PC: variants seen among roughly 807,000 people sequenced by gnomAD.
PC encodes the protein pyruvate carboxylase, mitochondrial.
A neutral mutation model predicts 107.8 loss-of-function variants in PC; 46 were observed. That is an observed-to-expected ratio of 0.43 (90% CI 0.34 to 0.55). The LOEUF is 0.55. Among genes scored for constraint, PC ranks in the 20% least tolerant of loss-of-function variants. The pLI is 0.04. For missense variants in PC, 1,241 were observed against 1,643.1 expected (o/e 0.76, Z 4.23); for synonymous variants, 662 against 684.7 (o/e 0.97, Z 0.52).
At chr11:66,893,838 C>G (rs1368656080) in intron 3 of PC, among the ~76,000 whole-genome samples, 3 of 139,598 alleles carry the variant, frequency 2.1e-5, no homozygotes, top group African/African-American at 8.0e-5. Context: ...CCAAACCCAA[C>G]CAGACACCTC....
rs1465279041 is a variant in PC at position 66,907,265 on chromosome 11, C to T, written c.1-35106G>A. Among the ~76,000 whole-genome samples, 7 of 152,218 alleles carry T rather than the reference C, an allele frequency of 4.6e-5. No homozygotes were observed. In the South Asian group the frequency reaches 1.0e-3, roughly 23 times the overall value. ...GTTCTCGGCCAGGAACAGTGGTTCA[C>T]GCCTGTAATCCCAGCACTTTGGGAG... On this transcript the variant is annotated intron_variant, in intron 3 of 22. Coordinates refer to ENST00000393960, the MANE Select transcript of PC (RefSeq NM_001040716.2).
At position 66,868,941 on chromosome 11, in the gene PC, G is replaced by A. The variant is rs373717650; in HGVS notation, c.927C>T (p.Thr309=). The change falls in exon 10 of 23, where the codon ACC becomes ACT. Residue 309 remains threonine (T), a synonymous_variant. Coordinates refer to ENST00000393960, the MANE Select transcript of PC (RefSeq NM_001040716.2). ...CGTGCCTGTCCACCAGGAACTCCAC[G>A]GTGCCTGCGTTCTCGTAGCCCACCT... The part of the protein sequence containing the change: ...AKQVGYENAG[T]VEFLVDRHGK... The A allele has an allele frequency of 1.3e-5, 21 of 1,613,734 alleles. No individual in the cohort carries two copies. The highest frequency in any genetic ancestry group is 3.3e-5 in the South Asian group (3 of 91,092).
intron 3 of PC, among the ~76,000 whole-genome samples, chr11:66,951,857 T>C (rs1161185900): frequency 2.7e-5 from 4 of 146,676 alleles, no homozygotes; most frequent in African/African-American, 1.0e-4. Flanking sequence ...GCCACTGCAC[T>C]CCAGCCTGGC....
intron 3 of PC, among the ~76,000 whole-genome samples, chr11:66,931,014 A>T (rs1012305722): frequency 6.6e-6 from 1 of 152,188 alleles, no homozygotes; most frequent in African/African-American, 2.4e-5. Flanking sequence ...AAATTCAACA[A>T]TAAGTTATTC....
chr11:66,859,123 A>C, intron 12 of PC: 1 of 1,469,136 alleles, frequency 6.8e-7, no homozygotes, highest in Non-Finnish European at 9.0e-7. Flanking sequence ...ACCCGGCTGC[A>C]CTCCCGGCGC....
Position 66,871,812 on chromosome 11 carries a change from T to TGGCTACGGTGCGGATGCCC in PC, c.177_195dup (p.Ile66GlyfsTer10). 6.2e-7 allele frequency: 1 copy of TGGCTACGGTGCGGATGCCC among 1,609,174 alleles called. No homozygotes were observed. Among genetic ancestry groups the TGGCTACGGTGCGGATGCCC allele is most frequent in the Non-Finnish European group, 8.5e-7 (1 of 1,179,432 alleles). Reference sequence around the variant, plus strand: ...TGGCCCGTGTCCTGCTCAGAGTAGATGGCTACGGTGCGGATGCCCAGCTCC... The same window carrying TGGCTACGGTGCGGATGCCC: ...TGGCCCGTGTCCTGCTCAGAGTAGATGGCTACGGTGCGGATGCCCGGCTACGGTGCGGATGCCCAGCTCC... On this transcript the variant is annotated frameshift_variant, in exon 5 of 23. Transcript: ENST00000393960. LOFTEE classifies it high-confidence loss of function. The surrounding 1 kb of genome is among the most constrained non-coding windows in gnomAD (Gnocchi z 7.4).
intron 3 of PC, among the ~76,000 whole-genome samples, chr11:66,942,907 T>G (rs1949179689): frequency 6.6e-6 from 1 of 151,516 alleles, no homozygotes; most frequent in African/African-American, 2.4e-5. Flanking sequence ...TCCCAGCTAC[T>G]CGGGAGGCTG....
At chr11:66,924,068 G>A (rs747994294) in intron 3 of PC, among the ~76,000 whole-genome samples, 26 of 151,460 alleles carry the variant, frequency 1.7e-4, no homozygotes, top group Non-Finnish European at 2.9e-4. Context: ...CAGGTGTGGT[G>A]GCACACACCT....
At chr11:66,920,594 C>A (rs1378486361) in intron 3 of PC, among the ~76,000 whole-genome samples, 1 of 152,124 alleles carries the variant, frequency 6.6e-6, no homozygotes, top group Non-Finnish European at 1.5e-5. Context: ...TCCCAGCAAT[C>A]CCAAGAATCG....
At position 66,871,516 on chromosome 11, in the gene PC, C is replaced by A; in HGVS notation, c.322-36G>T. On this transcript the variant is annotated intron_variant, in intron 5 of 22. Transcript: ENST00000393960. The surrounding 1 kb of genome is among the most constrained non-coding windows in gnomAD (Gnocchi z 7.4). ...GGGTCAGGGAGAGGACGGTACCTTG[C>A]AGTCCCTTCCAAGGCCTCGGCCAGC... is the stretch of plus-strand genomic sequence containing the variant. 6.2e-7 allele frequency: 1 copy of A among 1,611,720 alleles called. No individual in the cohort carries two copies. Among genetic ancestry groups the A allele is most frequent in the Non-Finnish European group, 8.5e-7 (1 of 1,178,976 alleles).
At chr11:66,872,898 A>T (rs1411536205) in intron 3 of PC, among the ~76,000 whole-genome samples, 1 of 150,326 alleles carries the variant, frequency 6.7e-6, no homozygotes, top group Admixed American at 6.6e-5. Flanking sequence ...TTAGCCGGGC[A>T]TGGTGGCACA....
rs775627126 is a variant in PC at position 66,850,881 on chromosome 11, C to A, written c.2266G>T (p.Val756Phe). 1 of 1,611,102 alleles carries A rather than the reference C, an allele frequency of 6.2e-7. No homozygotes were observed. Among genetic ancestry groups the A allele is most frequent in the Non-Finnish European group, 8.5e-7 (1 of 1,179,988 alleles). ...LLKPTACTML[V>F]SSLRDRFPDL... ...GGGAAGCGGTCCCGGAGGGAGCTGACCAGCATGGTGCAGGCCGTGGGCTTC... is the reference window on the plus strand; with the variant it reads ...GGGAAGCGGTCCCGGAGGGAGCTGAACAGCATGGTGCAGGCCGTGGGCTTC... Residue 756 changes from valine to phenylalanine, a missense_variant, in exon 18 of 23, where the codon GTC (valine) becomes TTC (phenylalanine). This residue lies in a region of PC where 1,143 missense variants were observed against 1,551.9 expected (regional missense o/e 0.74). Transcript: ENST00000393960.
chr11:66,850,318 G>A lies in PC; in HGVS notation c.2620C>T (p.Leu874=). 1 of 1,614,158 alleles carries A rather than the reference G, an allele frequency of 6.2e-7. No homozygotes were observed. The highest frequency in any genetic ancestry group is 8.5e-7 in the Non-Finnish European group (1 of 1,180,034). The change falls in exon 19 of 23, where the codon CTG becomes TTG. Residue 874 remains leucine, a synonymous_variant. Transcript: ENST00000393960. ...CCCATGCTGTGGGCCTGGAAGTGCA[G>A]GTTGGTGTACTGGCCCCCTGGGATC... ...NEIPGGQYTN[L]HFQAHSMGLG... is the part of the protein sequence containing the mutation.
At chr11:66,923,619 T>C (rs1424314138) in intron 3 of PC, among the ~76,000 whole-genome samples, 2 of 151,904 alleles carry the variant, frequency 1.3e-5, no homozygotes, top group Non-Finnish European at 2.9e-5. Context: ...ATGCAAGTGA[T>C]TCTCCCGCTT....
In PC at chr11:66,872,094, G is replaced by C; in HGVS notation, c.66C>G (p.Ala22=). 6.4e-7 allele frequency: 1 copy of C among 1,571,338 alleles called. No homozygotes were observed. The highest frequency in any genetic ancestry group is 8.6e-7 in the Non-Finnish European group (1 of 1,158,786). ...GCCGGACATTTGGGGAGGCAGCGGGGGCGGTGGAGGTTCGGCGGATTCCCA... is the reference window on the plus strand; with the variant it reads ...GCCGGACATTTGGGGAGGCAGCGGGCGCGGTGGAGGTTCGGCGGATTCCCA... The part of the protein sequence containing the change: ...RLLGIRRTST[A]PAASPNVRRL... Residue 22 remains alanine (A), a synonymous_variant, in exon 4 of 23, where the codon GCC becomes GCG. Transcript: ENST00000393960.
intron 3 of PC, among the ~76,000 whole-genome samples, chr11:66,927,123 C>G (rs1405047637): frequency 1.4e-5 from 2 of 145,036 alleles, no homozygotes; most frequent in Non-Finnish European, 3.0e-5. Context: ...TCCTGAGTAG[C>G]TGGGATTACA....
Position 66,851,283 on chromosome 11 carries a change from G to C in PC, c.1983-3C>G. 6.2e-7 allele frequency: 1 copy of C among 1,600,178 alleles called. No individual in the cohort carries two copies. The highest frequency in any genetic ancestry group is 1.1e-5 in the South Asian group (1 of 91,086). On this transcript the variant is annotated splice_polypyrimidine_tract_variant and splice_region_variant and intron_variant, in intron 16 of 22. Transcript: ENST00000393960. ...TCTCTTTGGCCACTTCACAGAACCT[G>C]CAAGGGTGAGAGAGCCCAGGGCTGA...
intron 3 of PC, among the ~76,000 whole-genome samples, chr11:66,903,752 G>GAAAAAAAA (rs1175402409): frequency 3.9e-5 from 3 of 76,194 alleles, no homozygotes; most frequent in Non-Finnish European, 6.5e-5. Flanking sequence ...TCCATCTCAG[G>GAAAAAAAA]AAAAAAAAAA....
intron 3 of PC, among the ~76,000 whole-genome samples, chr11:66,928,362 G>A (rs1000113228): frequency 1.3e-5 from 2 of 149,084 alleles, no homozygotes; most frequent in African/African-American, 2.5e-5. Flanking sequence ...CTCCAGCCTG[G>A]GCGACAGAGT....
Sources: gnomAD v4.1 joint callset for allele counts (sites outside exome capture counted in the v4.1 genomes callset) on GRCh38, gnomAD v4.1.1 for gene constraint, gnomAD v4.1.1 regional missense constraint, Gnocchi (gnomAD v3.1) non-coding constraint, MANE v1.5 for transcripts, NCBI Gene and HGNC (gene_info 2026-07-23, HGNC 2026-07-21) for gene names.